The following ARID4A variants were observed in gnomAD, a reference collection of about 807,000 sequenced individuals.
ARID4A encodes the protein AT-rich interactive domain-containing protein 4A.
A neutral mutation model predicts 148.6 loss-of-function variants in ARID4A; 39 were observed. The ratio of observed to expected loss-of-function variants is 0.26; its 90% CI spans 0.20 to 0.34. The LOEUF (loss-of-function observed/expected upper bound fraction) is 0.34, where lower values mean the gene tolerates loss of function less well. Among genes scored for constraint, ARID4A ranks in the 10% least tolerant of loss-of-function variants. ARID4A has a pLI of 1.00. For missense variants in ARID4A, 1,265 were observed against 1,449.1 expected (o/e 0.87, Z 2.06); for synonymous variants, 475 against 481.2 (o/e 0.99, Z 0.17).
At chr14:58,323,003 ATG>A (rs2033001740) in intron 7 of ARID4A, among the ~76,000 whole-genome samples, 1 of 140,670 alleles carries the variant, frequency 7.1e-6, no homozygotes, top group Admixed American at 7.2e-5. Context: ...ATATATATAT[ATG>A]CTTAAAATTT....
intron 1 of ARID4A, chr14:58,299,421 T>G (rs1870788719): frequency 1.2e-5 from 2 of 162,452 alleles, no homozygotes; most frequent in Non-Finnish European, 1.3e-5. Flanking sequence ...GAAGTCGGGG[T>G]ATCCGGGGGA....
chr14:58,333,712 G>C (rs1390914946), intron 11 of ARID4A, among the ~76,000 whole-genome samples: 1 of 151,946 alleles, frequency 6.6e-6, no homozygotes, highest in Non-Finnish European at 1.5e-5. Context: ...TATTTTTGAT[G>C]TTTAAATCAT....
chr14:58,344,809 C>T (rs1484335101), intron 12 of ARID4A, 42 bp downstream of exon 12: 1 of 1,413,468 alleles, frequency 7.1e-7, no homozygotes, highest in Non-Finnish European at 1.0e-6. Context: ...ATTTCTTTTT[C>T]ATGTTTACAT....
In ARID4A at chr14:58,323,599, T is replaced by A. The variant is rs1380927939; in HGVS notation, c.564T>A (p.Thr188=). The A allele has an allele frequency of 6.2e-7, 1 of 1,613,832 alleles. No homozygotes were observed. The highest frequency in any genetic ancestry group is 1.7e-5 in the Admixed American group (1 of 60,012). Residue 188 remains threonine, a synonymous_variant, in exon 8 of 24, where the codon ACT becomes ACA. Transcript: ENST00000355431. ...GTGTGGTGTCTGCAACGGAGAGGAC[T>A]GAATGGTATCCTGCTTTGGTAAGTA... The part of the protein sequence containing the change: ...VVSVVSATER[T]EWYPALVISP...
chr14:58,347,948 A>T, intron 15 of ARID4A, 70 bp downstream of exon 15: 1 of 1,068,546 alleles, frequency 9.4e-7, no homozygotes. Context: ...CCATTTTCAT[A>T]TATACACAAA....
At chr14:58,308,860 C>T (rs1465403570) in intron 5 of ARID4A, among the ~76,000 whole-genome samples, 1 of 151,972 alleles carries the variant, frequency 6.6e-6, no homozygotes, top group Non-Finnish European at 1.5e-5. Context: ...TCATGAGATA[C>T]CAGAAATTAT....
At chr14:58,330,695 A>T (rs1459701772) in intron 11 of ARID4A, among the ~76,000 whole-genome samples, 1 of 152,200 alleles carries the variant, frequency 6.6e-6, no homozygotes, top group Non-Finnish European at 1.5e-5. Context: ...GGTTAAAAAA[A>T]ATCCTATCCA....
At chr14:58,338,061 A>G (rs1324919071) in intron 11 of ARID4A, among the ~76,000 whole-genome samples, 2 of 152,208 alleles carry the variant, frequency 1.3e-5, no homozygotes, top group African/African-American at 4.8e-5. Flanking sequence ...GATACATTAC[A>G]TTGAATATTG....
At chr14:58,353,911 A>C in intron 17 of ARID4A, 56 bp downstream of exon 17, 18 of 1,427,354 alleles carry the variant, frequency 1.3e-5, no homozygotes, top group Non-Finnish European at 1.8e-5. Flanking sequence ...TAAATAGAAC[A>C]TCAACTTAAT....
chr14:58,362,900 C>A (rs745768980), intron 19 of ARID4A, among the ~76,000 whole-genome samples: 2 of 152,152 alleles, frequency 1.3e-5, no homozygotes, highest in Admixed American at 6.5e-5. Flanking sequence ...ATAAAAATTT[C>A]TCTTCTTTCA....
Position 58,328,242 on chromosome 14 carries a change from A to C in ARID4A, c.588A>C (p.Ile196=), listed in dbSNP as rs2033324155. The part of the protein sequence containing the change: ...ERTEWYPALV[I]SPSCNDDITV... ...GTTCTTATTTTATATTTCAGGTAAT[A>C]TCTCCCAGCTGTAATGATGACATCA... The change falls in exon 9 of 24, where the codon ATA becomes ATC. Residue 196 remains isoleucine (I), a synonymous_variant. Coordinates refer to ENST00000355431, the MANE Select transcript of ARID4A (RefSeq NM_002892.4). The C allele has an allele frequency of 6.3e-7, 1 of 1,590,600 alleles. No homozygotes were observed. The highest frequency in any genetic ancestry group is 8.6e-7 in the Non-Finnish European group (1 of 1,159,852).
chr14:58,364,122 A>C, intron 19 of ARID4A, 48 bp from the exon 20 acceptor site: 1 of 958,190 alleles, frequency 1.0e-6, no homozygotes, highest in Non-Finnish European at 1.4e-6. Flanking sequence ...GTAAAATTAC[A>C]TTGGTAATAT....
rs2140252298 is a variant in ARID4A, at chr14:58,356,483, A to G, written c.1853+2628A>G. 4.6e-5 allele frequency among the ~76,000 whole-genome samples: 7 copies of G among 152,302 alleles called. 1 individual carries two copies. In the Middle Eastern group the frequency reaches 0.02, roughly 444 times the overall value. On this transcript the variant is annotated intron_variant, in intron 17 of 23. Transcript: ENST00000355431. ...TGTTCAAATGAATAAACATTTCCAT[A>G]TAAGTTAATAAAGTACAGATGTTTA...
chr14:58,322,394 A>G (rs1325458460), intron 7 of ARID4A, among the ~76,000 whole-genome samples: 1 of 152,128 alleles, frequency 6.6e-6, no homozygotes, highest in African/African-American at 2.4e-5. Flanking sequence ...ACTCCTTCAT[A>G]CTTATTTTAT....
At chr14:58,338,561 G>A (rs2033946055) in intron 11 of ARID4A, among the ~76,000 whole-genome samples, 1 of 152,100 alleles carries the variant, frequency 6.6e-6, no homozygotes. Flanking sequence ...ATTTTTGGAG[G>A]TGGTAGGGAT....
At chr14:58,318,454 T>G in intron 5 of ARID4A, 88 bp from the exon 6 acceptor site, 1 of 1,248,198 alleles carries the variant, frequency 8.0e-7, no homozygotes, top group East Asian at 2.4e-5. Flanking sequence ...TATTAAGCTC[T>G]AATTAATAGC....
intron 2 of ARID4A, 144 bp from the exon 3 acceptor site, chr14:58,301,436 G>A: frequency 2.0e-6 from 1 of 497,450 alleles, no homozygotes; most frequent in South Asian, 3.8e-5. Flanking sequence ...CAAGTATTTA[G>A]GGTATTTTTC....
chr14:58,358,964 G>T (rs2035009680), intron 17 of ARID4A, among the ~76,000 whole-genome samples, 168 bp from the exon 18 acceptor site: 1 of 152,066 alleles, frequency 6.6e-6, no homozygotes, highest in South Asian at 2.1e-4. Flanking sequence ...TACAGTTACT[G>T]GCACATGTTA....
intron 8 of ARID4A, among the ~76,000 whole-genome samples, chr14:58,324,951 G>A (rs1226121726): frequency 1.3e-5 from 2 of 152,052 alleles, no homozygotes; most frequent in Non-Finnish European, 2.9e-5. Context: ...ATTAAAGATT[G>A]TATAGTAAAT....
Sources: allele counts gnomAD v4.1 joint callset (sites outside exome capture counted in the v4.1 genomes callset), GRCh38; gene constraint gnomAD v4.1.1; transcripts MANE v1.5; gene names NCBI Gene and HGNC (gene_info 2026-07-23, HGNC 2026-07-21).